FAM114A1: variants seen among roughly 807,000 people sequenced by gnomAD.
The protein encoded by FAM114A1 is protein NOXP20.
FAM114A1 carries 62 observed loss-of-function variants against 64.3 expected under a neutral mutation model. That is an observed-to-expected ratio of 0.96 (90% confidence interval 0.79 to 1.19). The LOEUF (loss-of-function observed/expected upper bound fraction) is 1.19. Ranked by LOEUF, FAM114A1 falls within the 50% of genes most tolerant of loss-of-function variation. The pLI, the probability that FAM114A1 is intolerant of heterozygous loss-of-function variation, is 0.00. For missense variants in FAM114A1, 645 were observed against 676.3 expected, an observed-to-expected ratio of 0.95 and a Z score of 0.51; for synonymous variants, 254 against 251.1, an observed-to-expected ratio of 1.01 and a Z score of -0.11.
intron 2 of FAM114A1, among the ~76,000 whole-genome samples, chr4:38,870,891 A>G (rs1405304667): frequency 6.6e-6 from 1 of 152,150 alleles, no homozygotes; most frequent in Non-Finnish European, 1.5e-5. Flanking sequence ...CTGAAAAATG[A>G]TTACATTTCC....
At chr4:38,921,552 A>G (rs1482460596) in intron 8 of FAM114A1, among the ~76,000 whole-genome samples, 1 of 152,200 alleles carries the variant, frequency 6.6e-6, no homozygotes, top group African/African-American at 2.4e-5. Flanking sequence ...GTGAACCACC[A>G]TGCCTGGCCT....
intron 8 of FAM114A1, among the ~76,000 whole-genome samples, chr4:38,921,608 G>A (rs752694630): frequency 9.9e-5 from 15 of 152,118 alleles, no homozygotes; most frequent in African/African-American, 2.2e-4. Flanking sequence ...TTCAAAAGAG[G>A]GGCTCTAAAG....
intron 4 of FAM114A1, among the ~76,000 whole-genome samples, chr4:38,898,660 C>T (rs1295303535): frequency 2.4e-4 from 36 of 152,098 alleles, no homozygotes; most frequent in Admixed American, 2.4e-3. Context: ...AGTAACACTT[C>T]TTGTCTATTT....
At chr4:38,916,568 A>G in intron 8 of FAM114A1, among the ~76,000 whole-genome samples, 1 of 152,128 alleles carries the variant, frequency 6.6e-6, no homozygotes, top group Admixed American at 6.6e-5. Context: ...AGAACGGAAA[A>G]CCAAAACTGC....
intron 4 of FAM114A1, among the ~76,000 whole-genome samples, chr4:38,892,042 C>A (rs1716460567): frequency 6.6e-6 from 1 of 152,210 alleles, no homozygotes; most frequent in African/African-American, 2.4e-5. Flanking sequence ...CTGCACTTTA[C>A]AGGTAAGGAA....
At chr4:38,902,989 A>G (rs1226739406) in intron 4 of FAM114A1, among the ~76,000 whole-genome samples, 2 of 152,166 alleles carry the variant, frequency 1.3e-5, no homozygotes, top group Non-Finnish European at 2.9e-5. Flanking sequence ...TAGCTCATAC[A>G]TAAATATAAA....
intron 4 of FAM114A1, among the ~76,000 whole-genome samples, chr4:38,897,844 G>C (rs752359420): frequency 1.3e-5 from 2 of 151,812 alleles, no homozygotes; most frequent in African/African-American, 2.4e-5. Flanking sequence ...CTGCTTGGAG[G>C]CTGCGACAGA....
At chr4:38,874,900 A>T (rs1317202880) in intron 2 of FAM114A1, among the ~76,000 whole-genome samples, 1 of 152,248 alleles carries the variant, frequency 6.6e-6, no homozygotes, top group Admixed American at 6.5e-5. Context: ...ATGGCTGGCC[A>T]GTTATCCCAG....
chr4:38,919,603 C>T (rs941357034), intron 8 of FAM114A1, among the ~76,000 whole-genome samples: 9 of 152,154 alleles, frequency 5.9e-5, no homozygotes, highest in African/African-American at 2.2e-4. Flanking sequence ...CCTGGGGACT[C>T]CCCTGTGTTG....
chr4:38,939,634 A>G (rs556228068), intron 13 of FAM114A1, among the ~76,000 whole-genome samples: 1 of 152,214 alleles, frequency 6.6e-6, no homozygotes, highest in South Asian at 2.1e-4. Context: ...CTTCACCCTC[A>G]GTAGAGTAAC....
chr4:38,914,084 G>A (rs1005169897), intron 7 of FAM114A1, among the ~76,000 whole-genome samples: 1 of 151,028 alleles, frequency 6.6e-6, no homozygotes, highest in Admixed American at 6.6e-5. Context: ...TGGGCAACAA[G>A]AGCTAAACTC....
At chr4:38,919,879 G>GC (rs2109741260) in intron 8 of FAM114A1, among the ~76,000 whole-genome samples, 1 of 152,264 alleles carries the variant, frequency 6.6e-6, no homozygotes, top group South Asian at 2.1e-4. Context: ...ATGGCAACAG[G>GC]CATGGCGATG....
chr4:38,884,829 C>T (rs6840500), intron 3 of FAM114A1, among the ~76,000 whole-genome samples: 3,614 of 152,254 alleles, frequency 0.024, 112 homozygotes, highest in African/African-American at 0.074. Context: ...CATCAAGTCA[C>T]CAGAATTCCC....
intron 3 of FAM114A1, among the ~76,000 whole-genome samples, chr4:38,881,603 C>T (rs1715281476): frequency 6.6e-6 from 1 of 152,240 alleles, no homozygotes; most frequent in Admixed American, 6.5e-5. Flanking sequence ...ATATCACTTT[C>T]ACCCAGGTCT....
At chr4:38,912,481 T>G (rs1718647637) in intron 7 of FAM114A1, among the ~76,000 whole-genome samples, 1 of 152,170 alleles carries the variant, frequency 6.6e-6, no homozygotes, top group African/African-American at 2.4e-5. Context: ...TCCTCTTGGC[T>G]TCAAGTGATT....
At chr4:38,888,613 G>A (rs150489683) in intron 3 of FAM114A1, among the ~76,000 whole-genome samples, 5 of 152,320 alleles carry the variant, frequency 3.3e-5, no homozygotes, top group African/African-American at 1.2e-4. Context: ...ATTTCCAGTT[G>A]AGTTTTGAAT....
At chr4:38,923,299 C>A (rs1719796786) in intron 9 of FAM114A1, among the ~76,000 whole-genome samples, 2 of 149,194 alleles carry the variant, frequency 1.3e-5, no homozygotes, top group African/African-American at 5.0e-5. Context: ...TATCGGCTCA[C>A]TGCAACCTCC....
intron 8 of FAM114A1, among the ~76,000 whole-genome samples, chr4:38,915,393 G>A (rs187660223): frequency 1.1e-3 from 163 of 152,254 alleles, no homozygotes; most frequent in African/African-American, 3.8e-3. Flanking sequence ...CTTTGGTAAC[G>A]AAGTACCCAG....
intron 4 of FAM114A1, among the ~76,000 whole-genome samples, chr4:38,900,509 A>C (rs1391751892): frequency 1.3e-5 from 2 of 152,238 alleles, no homozygotes; most frequent in African/African-American, 4.8e-5. Context: ...GTCTGTCGAC[A>C]GACGAATGGA....
Sources: gnomAD v4.1 joint callset for allele counts (sites outside exome capture counted in the v4.1 genomes callset) on GRCh38, gnomAD v4.1.1 for gene constraint, MANE v1.5 for transcripts, NCBI Gene and HGNC (gene_info 2026-07-23, HGNC 2026-07-21) for gene names.